TTC3: variants seen among roughly 807,000 people sequenced by gnomAD.
TTC3 encodes E3 ubiquitin-protein ligase TTC3.
Under a neutral mutation model 249.6 loss-of-function variants are expected in TTC3, and 180 were observed. The observed-to-expected ratio is 0.72, with a 90% CI of 0.64 to 0.82. The LOEUF is 0.82. Ranked by LOEUF, TTC3 falls within the 40% of genes least tolerant of loss-of-function variation. The pLI is 0.00. For missense variants in TTC3, 2,061 were observed against 2,398.4 expected (o/e 0.86, Z 2.94); for synonymous variants, 717 against 805.0 (o/e 0.89, Z 1.85).
At position 37,192,228 on chromosome 21, in the gene TTC3, T is replaced by TA; in HGVS notation, c.5217+15_5217+16insA. Reference sequence around the variant, plus strand: ...CCTGTAACACGGTAAGTCTAGCACATCTTTTTTTTTTTTTTAAACCATAAT... The same window carrying TA: ...CCTGTAACACGGTAAGTCTAGCACATACTTTTTTTTTTTTTTAAACCATAAT... On this transcript the variant is annotated intron_variant, in intron 41 of 45. Coordinates refer to ENST00000355666, the Ensembl canonical transcript of TTC3. The TA allele has an allele frequency of 6.8e-7, 1 of 1,469,314 alleles. No homozygotes were observed. Among genetic ancestry groups the TA allele is most frequent in the Non-Finnish European group, 9.2e-7 (1 of 1,083,756 alleles). 91.0% of individuals were successfully genotyped at this position (1,469,314 alleles called of 1,614,324 possible). A position where few individuals can be genotyped will look rare whatever the true frequency, so the allele number is the denominator to read the frequency against.
intron 36 of TTC3, among the ~76,000 whole-genome samples, chr21:37,184,629 A>ATTTTTT (rs765134090): frequency 9.9e-5 from 12 of 121,542 alleles, no homozygotes; most frequent in South Asian, 5.2e-4. Context: ...TAATTTTTCT[A>ATTTTTT]TTTTTTTTTT....
chr21:37,088,329 T>G lies in TTC3; in HGVS notation c.321T>G (p.His107Gln). ...ACAGTTCCGTAATATCACGATTGCATCCCTGTGTGGACGCCAAGTAAGTTA... is the reference window on the plus strand; with the variant it reads ...ACAGTTCCGTAATATCACGATTGCAGCCCTGTGTGGACGCCAAGTAAGTTA... The change falls in exon 4 of 46, where the codon CAT becomes CAG. Residue 107 changes from histidine (H) to glutamine (Q), a missense_variant. His to Gln is a conservative substitution (Grantham distance 24). This residue lies in a region of TTC3 where 989 missense variants were observed against 1,145.1 expected (regional missense o/e 0.86). Coordinates refer to ENST00000355666, the Ensembl canonical transcript of TTC3. 6.2e-7 allele frequency: 1 copy of G among 1,612,668 alleles called. No individual in the cohort carries two copies. Among genetic ancestry groups the G allele is most frequent in the Non-Finnish European group, 8.5e-7 (1 of 1,179,094 alleles).
chr21:37,136,628 A>G (rs2077963820), intron 18 of TTC3, among the ~76,000 whole-genome samples: 1 of 152,232 alleles, frequency 6.6e-6, no homozygotes, highest in Non-Finnish European at 1.5e-5. Flanking sequence ...ATTTAAGGAA[A>G]GAAGCTATTT....
Position 37,151,806 on chromosome 21 carries a change from T to G in TTC3, c.2277-87T>G, listed in dbSNP as rs2079494198. The stretch of plus-strand genomic sequence containing the variant: ...CGGGCTCTGATTAAAAAAGGAAAAC[T>G]TCTAATATATTGCTTGGAAGATGGT... On this transcript the variant is annotated intron_variant, in intron 25 of 45. Transcript: ENST00000355666. 1.4e-6 allele frequency: 2 copies of G among 1,406,062 alleles called. 1 individual carries two copies. The highest frequency in any genetic ancestry group is 5.9e-5 in the Admixed American group (2 of 33,760). 87.1% of individuals were successfully genotyped at this position (1,406,062 alleles called of 1,614,324 possible).
In TTC3 at chr21:37,185,697, CT is replaced by C. The variant is rs1205606735; in HGVS notation, c.4758-5del. The C allele has an allele frequency of 2.0e-6, 3 of 1,520,322 alleles. No homozygotes were observed. Among genetic ancestry groups the C allele is most frequent in the South Asian group, 2.7e-5 (2 of 73,512 alleles). The allele number at this position is 1,520,322 out of a possible 1,614,324, so 94.2% of individuals were successfully genotyped here. A position where few individuals can be genotyped will look rare whatever the true frequency, so the allele number is the denominator to read the frequency against. ...AATTAATTAATATTTGGTGATTATGCTTTTATAGGTATACCCAGAAAAATGA... is the reference window on the plus strand; with the variant it reads ...AATTAATTAATATTTGGTGATTATGCTTTATAGGTATACCCAGAAAAATGA... On this transcript the variant is annotated splice_polypyrimidine_tract_variant and splice_region_variant and intron_variant, in intron 36 of 45. Coordinates refer to ENST00000355666, the Ensembl canonical transcript of TTC3.
intron 7 of TTC3, among the ~76,000 whole-genome samples, chr21:37,091,792 A>G (rs2073312275): frequency 6.6e-6 from 1 of 152,178 alleles, no homozygotes; most frequent in African/African-American, 2.4e-5. Flanking sequence ...CGTGTTCACC[A>G]GGTTGATCTC....
At chr21:37,073,668 C>G (rs75566647) in intron 1 of TTC3, among the ~76,000 whole-genome samples, 195 bp downstream of exon 1, 1 of 152,048 alleles carries the variant, frequency 6.6e-6, no homozygotes, top group East Asian at 1.9e-4. Flanking sequence ...TCCCTTTGTG[C>G]GCAACCCCCC....
At chr21:37,164,237 C>T in intron 32 of TTC3, 22 bp downstream of exon 32, 5 of 1,538,930 alleles carry the variant, frequency 3.2e-6, no homozygotes, top group Non-Finnish European at 4.4e-6. Context: ...GAAATTTTTA[C>T]AACCATTATT....
At chr21:37,163,972 T>A in intron 31 of TTC3, 79 bp from the exon 32 acceptor site, 1 of 1,468,796 alleles carries the variant, frequency 6.8e-7, no homozygotes, top group Non-Finnish European at 9.2e-7. Context: ...TTTATTTCAA[T>A]TAGACATTCT....
chr21:37,156,203 A>G (rs2080060021), intron 27 of TTC3, among the ~76,000 whole-genome samples: 1 of 80,912 alleles, frequency 1.2e-5, no homozygotes, highest in East Asian at 7.0e-4. Flanking sequence ...TGCCTGGCTA[A>G]CTCTTTTTTT....
chr21:37,087,143 A>G, intron 1 of TTC3, 104 bp from the exon 2 acceptor site: 3 of 1,307,594 alleles, frequency 2.3e-6, no homozygotes, highest in Non-Finnish European at 2.1e-6. Flanking sequence ...TTCCTTGGGC[A>G]TAGGTTCCAA....
Position 37,132,854 on chromosome 21 carries a change from C to CT in TTC3, c.1443+89dup, listed in dbSNP as rs889020151. 44 of 953,674 alleles carry CT rather than the reference C, an allele frequency of 4.6e-5. No individual in the cohort carries two copies. The African/African-American group carries it at 4.6e-4, about 10-fold the overall frequency. The allele number at this position is 953,674 out of a possible 1,614,324, so 59.1% of individuals were successfully genotyped here. The stretch of plus-strand genomic sequence containing the variant: ...AATAAGGTTCTAATCATGTACATCT[C>CT]TAAGTTTTTTTTATATAATTATTGT... On this transcript the variant is annotated intron_variant, in intron 17 of 45. Transcript: ENST00000355666.
chr21:37,159,546 C>T, intron 28 of TTC3, 153 bp from the exon 29 acceptor site: 3 of 742,276 alleles, frequency 4.0e-6, no homozygotes, highest in South Asian at 2.1e-5. Flanking sequence ...GCCATTTTGC[C>T]CTTGGTTTCT....
chr21:37,176,899 A>G (rs2082327523), intron 35 of TTC3, among the ~76,000 whole-genome samples: 1 of 152,204 alleles, frequency 6.6e-6, no homozygotes, highest in African/African-American at 2.4e-5. Flanking sequence ...ACTAACTGTT[A>G]GGAATGTTTC....
chr21:37,174,668 G>A (rs1252925363), intron 35 of TTC3, among the ~76,000 whole-genome samples: 1 of 152,132 alleles, frequency 6.6e-6, no homozygotes, highest in African/African-American at 2.4e-5. Flanking sequence ...GAAAAACAGG[G>A]AAGCTATAGA....
chr21:37,201,710 A>G, exon 46 of TTC3: 1 of 1,120,338 alleles, frequency 8.9e-7, no homozygotes, highest in South Asian at 1.6e-5. Context: ...GGAAATCGTT[A>G]ATATCGCTGA....
chr21:37,114,670 T>C (rs2075971118), intron 11 of TTC3, among the ~76,000 whole-genome samples: 1 of 152,086 alleles, frequency 6.6e-6, no homozygotes, highest in Non-Finnish European at 1.5e-5. Flanking sequence ...GACCCAGCCA[T>C]CCCATTACTG....
intron 1 of TTC3, 74 bp from the exon 2 acceptor site, chr21:37,087,173 T>C (rs557697849): frequency 1.3e-6 from 2 of 1,532,922 alleles, no homozygotes; most frequent in Non-Finnish European, 1.8e-6. Flanking sequence ...TAATATACCA[T>C]AGAAGCCAGG....
At position 37,151,882 on chromosome 21, in the gene TTC3, A is replaced by G. The variant is rs377148884; in HGVS notation, c.2277-11A>G. The G allele has an allele frequency of 3.2e-6, 5 of 1,564,940 alleles. No individual in the cohort carries two copies. The highest frequency in any genetic ancestry group is 4.3e-6 in the Non-Finnish European group (5 of 1,164,224). ...TTCATTGAGTTGTCACTAATTGTAA[A>G]TGTTTATCAGCCTAGAGAAACTAAG... is the stretch of plus-strand genomic sequence containing the variant. On this transcript the variant is annotated splice_polypyrimidine_tract_variant and intron_variant, in intron 25 of 45. Coordinates refer to ENST00000355666, the Ensembl canonical transcript of TTC3.
Sources: allele counts gnomAD v4.1 joint callset (sites outside exome capture counted in the v4.1 genomes callset), GRCh38; gene constraint gnomAD v4.1.1; regional missense constraint gnomAD v4.1.1; transcripts MANE v1.5; gene names NCBI Gene and HGNC (gene_info 2026-07-23, HGNC 2026-07-21).